Variants in ZFYVE16 observed in about 807,000 individuals in gnomAD.
ZFYVE16 encodes the protein zinc finger FYVE-type containing 16.
Under a neutral mutation model 138.1 loss-of-function variants are expected in ZFYVE16, and 89 were observed. That is an observed-to-expected ratio of 0.64 (90% CI 0.54 to 0.77). The LOEUF (loss-of-function observed/expected upper bound fraction) is 0.77. ZFYVE16 is among the 30% of genes least tolerant of loss of function. The pLI is 0.00. For synonymous variants in ZFYVE16, 596 were observed against 618.3 expected (o/e 0.96, Z 0.53); for missense variants, 1,793 against 1,786.7 (o/e 1.00, Z -0.06).
Position 80,457,091 on chromosome 5 carries a change from AG to A in ZFYVE16, c.3943+1del. On this transcript the variant is annotated frameshift_variant and splice_region_variant, in exon 14 of 19. Transcript: ENST00000505560. LOFTEE classifies it high-confidence loss of function. ...ACAGTGCCACTGGCCATCCTAGAAAAGGTGAGCATCTTGGTTCCTAGTGCTA... is the reference window on the plus strand; with the variant it reads ...ACAGTGCCACTGGCCATCCTAGAAAAGTGAGCATCTTGGTTCCTAGTGCTA... ...ANSATGHPRKVTGASFVVFNG... is the reference protein window; with the variant it reads ...ANSATGHPRKXTGASFVVFNG... 6.2e-7 allele frequency: 1 copy of A among 1,610,662 alleles called. No individual in the cohort carries two copies. Among genetic ancestry groups the A allele is most frequent in the East Asian group, 2.2e-5 (1 of 44,728 alleles).
In ZFYVE16 at chr5:80,408,723, C is replaced by A. The variant is rs146677146; in HGVS notation, c.-94+570C>A. On this transcript the variant is annotated intron_variant, in intron 1 of 18. Coordinates refer to ENST00000505560, the MANE Select transcript of ZFYVE16 (RefSeq NM_001284236.3). The stretch of plus-strand genomic sequence containing the variant: ...TACTTTTGAGAACTCCAAAAGAGGA[C>A]CTTATTTTTAACTCTTATTTGTACT... Among the ~76,000 whole-genome samples, 839 of 152,346 alleles carry A rather than the reference C, an allele frequency of 5.5e-3. 25 individuals carry two copies. Among genetic ancestry groups the A allele is most frequent in the Admixed American group, 0.045 (681 of 15,298 alleles).
rs755036186 is a variant in ZFYVE16, at chr5:80,438,348, A to G, written c.1663A>G (p.Asn555Asp). The stretch of plus-strand genomic sequence containing the variant: ...CATAAAGTCTTTTGAAGAAAATGTA[A>G]ATGACTCTAAATCGCAAATGAATCA... The part of the protein sequence containing the change: ...TNIKSFEENV[N>D]DSKSQMNQID... The change falls in exon 4 of 19, where the codon AAT (asparagine) becomes GAT (aspartate). Residue 555 changes from asparagine to aspartate, a missense_variant. Around this residue, in one of 2 missense-constraint regions of ZFYVE16, gnomAD observed 1,295 missense variants for 1,204.3 expected, o/e 1.08. Coordinates refer to ENST00000505560, the MANE Select transcript of ZFYVE16 (RefSeq NM_001284236.3). 1.9e-6 allele frequency: 3 copies of G among 1,613,644 alleles called. No individual in the cohort carries two copies. The highest frequency in any genetic ancestry group is 2.2e-5 in the East Asian group (1 of 44,872).
intron 1 of ZFYVE16, among the ~76,000 whole-genome samples, chr5:80,421,302 T>G (rs1034245307): frequency 6.6e-6 from 1 of 152,184 alleles, no homozygotes; most frequent in African/African-American, 2.4e-5. Context: ...TTAGTTTAAT[T>G]AGATCCCATT....
chr5:80,441,399 CTG>C lies in ZFYVE16; in HGVS notation c.2419+1369_2419+1370del, dbSNP rs953035569. On this transcript the variant is annotated intron_variant, in intron 5 of 18. Coordinates refer to ENST00000505560, the MANE Select transcript of ZFYVE16 (RefSeq NM_001284236.3). Reference sequence around the variant, plus strand: ...CTGTGGAATGAGCTTATTTAGTTATCTGTTCAAATTCTATTTTGATGTCTTAT... The same window carrying C: ...CTGTGGAATGAGCTTATTTAGTTATCTTCAAATTCTATTTTGATGTCTTAT... 13 of 985,154 alleles carry C rather than the reference CTG, an allele frequency of 1.3e-5. No homozygotes were observed. In the African/African-American group the frequency reaches 2.3e-4, roughly 17 times the overall value. The allele number at this position is 985,154 out of a possible 1,614,324, so 61.0% of individuals were successfully genotyped here.
At chr5:80,427,862 C>T (rs889864028) in intron 2 of ZFYVE16, among the ~76,000 whole-genome samples, 1 of 145,634 alleles carries the variant, frequency 6.9e-6, no homozygotes, top group African/African-American at 2.5e-5. Flanking sequence ...GTCCCAGCTA[C>T]TCAGGAGGCT....
Position 80,481,986 on chromosome 5 carries a change from A to C in ZFYVE16, c.*4609A>C, listed in dbSNP as rs139457060. On this transcript the variant is annotated 3_prime_UTR_variant, in exon 19 of 19. Coordinates refer to ENST00000505560, the MANE Select transcript of ZFYVE16 (RefSeq NM_001284236.3). ...AGGTGTGTACCACCACGCCTAGATAATTTTTTGTATTTTTAATAGAGACAG... is the reference window on the plus strand; with the variant it reads ...AGGTGTGTACCACCACGCCTAGATACTTTTTTGTATTTTTAATAGAGACAG... 4.8e-3 allele frequency among the ~76,000 whole-genome samples: 732 copies of C among 152,120 alleles called. 3 individuals are homozygous for C. The highest frequency in any genetic ancestry group is 7.7e-3 in the Non-Finnish European group (522 of 68,012).
At chr5:80,428,849 G>A (rs982783014) in intron 2 of ZFYVE16, among the ~76,000 whole-genome samples, 2 of 152,206 alleles carry the variant, frequency 1.3e-5, no homozygotes, top group African/African-American at 4.8e-5. Context: ...TGGAAGAAAG[G>A]GTATCAGTGA....
chr5:80,465,400 G>GTTTTGTTTTT (rs762431523), intron 15 of ZFYVE16, among the ~76,000 whole-genome samples: 2 of 26,782 alleles, frequency 7.5e-5, no homozygotes, highest in African/African-American at 2.1e-4. Context: ...CCTTTTCTTT[G>GTTTTGTTTTT]TTTTTTTTTT....
At chr5:80,447,980 G>C in intron 7 of ZFYVE16, 46 bp from the exon 8 acceptor site, 1 of 1,458,598 alleles carries the variant, frequency 6.9e-7, no homozygotes, top group East Asian at 2.3e-5. Flanking sequence ...TAGTTGAACA[G>C]AGAATATGAA....
chr5:80,439,023 C>CT lies in ZFYVE16; in HGVS notation c.2322+20dup. 1 of 1,585,232 alleles carries CT rather than the reference C, an allele frequency of 6.3e-7. No individual in the cohort carries two copies. The highest frequency in any genetic ancestry group is 8.6e-7 in the Non-Finnish European group (1 of 1,167,202). On this transcript the variant is annotated intron_variant, in intron 4 of 18. Coordinates refer to ENST00000505560, the MANE Select transcript of ZFYVE16 (RefSeq NM_001284236.3). The stretch of plus-strand genomic sequence containing the variant: ...ATGTGGGAAAGTAAGTTATAAAAAT[C>CT]TTTTAAGTCTTTTGTTCTTTTGAGA...
rs142241799 is a variant in ZFYVE16, at chr5:80,437,183, A to C, written c.498A>C (p.Leu166Phe). Reference protein sequence around the residue: ...SNADSLIGLDLSSVSDTPCVS... With the variant: ...SNADSLIGLDFSSVSDTPCVS... ...CAGATTCCTTGATTGGATTGGATTT[A>C]TCTTCAGTGTCAGATACTCCCTGTG... Residue 166 changes from leucine (L) to phenylalanine (F), a missense_variant, in exon 4 of 19, where the codon TTA (leucine) becomes TTC (phenylalanine). Coordinates refer to ENST00000505560, the MANE Select transcript of ZFYVE16 (RefSeq NM_001284236.3). The C allele has an allele frequency of 1.1e-5, 17 of 1,614,086 alleles. No homozygotes were observed. The African/African-American group carries it at 2.1e-4, about 20-fold the overall frequency.
chr5:80,471,463 C>G (rs932725252), intron 15 of ZFYVE16, among the ~76,000 whole-genome samples: 4 of 152,136 alleles, frequency 2.6e-5, no homozygotes, highest in South Asian at 2.1e-4. Context: ...TAAAGAATTA[C>G]TTCATCCCCA....
Position 80,437,711 on chromosome 5 carries a change from A to G in ZFYVE16, c.1026A>G (p.Ala342=), listed in dbSNP as rs1750135176. 6.2e-7 allele frequency: 1 copy of G among 1,614,062 alleles called. No individual in the cohort carries two copies. Among genetic ancestry groups the G allele is most frequent in the South Asian group, 1.1e-5 (1 of 91,078 alleles). Residue 342 remains alanine (A), a synonymous_variant, in exon 4 of 19, where the codon GCA becomes GCG. Transcript: ENST00000505560. The part of the protein sequence containing the change: ...QEDKTVIKQS[A]QEDSKSLDLK... ...ATAAGACTGTTATAAAACAATCTGC[A>G]CAAGAAGACTCAAAAAGTTTAGACC...
At chr5:80,435,252 C>T (rs1468288383) in intron 3 of ZFYVE16, among the ~76,000 whole-genome samples, 1 of 152,158 alleles carries the variant, frequency 6.6e-6, no homozygotes, top group Non-Finnish European at 1.5e-5. Context: ...CTAGGCTGGT[C>T]TCGAACTCCT....
intron 14 of ZFYVE16, among the ~76,000 whole-genome samples, chr5:80,458,048 A>AAAAAAGGT (rs1752714458): frequency 6.6e-6 from 1 of 151,676 alleles, no homozygotes; most frequent in Admixed American, 6.6e-5. Context: ...AAAAAAAAAA[A>AAAAAAGGT]AAAAAGGTGG....
At chr5:80,441,942 G>A in intron 5 of ZFYVE16, 1 of 984,892 alleles carries the variant, frequency 1.0e-6, no homozygotes, top group Non-Finnish European at 1.2e-6. Context: ...TCTGCATTCT[G>A]AAGTTCAAGC....
intron 12 of ZFYVE16, 40 bp from the exon 13 acceptor site, chr5:80,456,421 C>T (rs1244075424): frequency 2.1e-6 from 3 of 1,412,394 alleles, no homozygotes; most frequent in Admixed American, 1.9e-5. Flanking sequence ...GAAAAATACT[C>T]ATGGTTAGTA....
rs1434240748 is a variant in ZFYVE16, at chr5:80,480,796, T to C, written c.*3419T>C. Among the ~76,000 whole-genome samples the C allele has an allele frequency of 6.6e-6, 1 of 152,030 alleles. No homozygotes were observed. Among genetic ancestry groups the C allele is most frequent in the African/African-American group, 2.4e-5 (1 of 41,382 alleles). ...TTTTGCCAGGTGTGGTGGCTCATAC[T>C]TGTGGTCCCAGCTTCACGGGGGCTG... On this transcript the variant is annotated 3_prime_UTR_variant, in exon 19 of 19. Coordinates refer to ENST00000505560, the MANE Select transcript of ZFYVE16 (RefSeq NM_001284236.3).
At position 80,429,854 on chromosome 5, in the gene ZFYVE16, A is replaced by G. The variant is rs915777095; in HGVS notation, c.-40+2309A>G. 1.1e-4 allele frequency among the ~76,000 whole-genome samples: 17 copies of G among 152,324 alleles called. 1 individual carries two copies. Among genetic ancestry groups the G allele is most frequent in the African/African-American group, 3.8e-4 (16 of 41,572 alleles). ...ATCAAAAGAGACAAAGCCATTACAG[A>G]CTGGTAAAGGGATCAATTCAACAAG... On this transcript the variant is annotated intron_variant, in intron 2 of 18. Coordinates refer to ENST00000505560, the MANE Select transcript of ZFYVE16 (RefSeq NM_001284236.3).
Sources: gnomAD v4.1 joint callset for allele counts (sites outside exome capture counted in the v4.1 genomes callset) on GRCh38, gnomAD v4.1.1 for gene constraint, gnomAD v4.1.1 regional missense constraint, MANE v1.5 for transcripts, NCBI Gene and HGNC (gene_info 2026-07-23, HGNC 2026-07-21) for gene names.